UPRT: variants seen among roughly 807,000 people sequenced by gnomAD.
The protein encoded by UPRT is RP11-311P8.3.
Under a neutral mutation model 22.6 loss-of-function variants are expected in UPRT, and 5 were observed. That is an observed-to-expected ratio of 0.22 (90% CI 0.12 to 0.47). The LOEUF (loss-of-function observed/expected upper bound fraction) is 0.47, where lower values mean the gene tolerates loss of function less well. UPRT is among the 20% of genes least tolerant of loss of function. UPRT has a pLI of 0.99. For synonymous variants in UPRT, 77 were observed against 87.7 expected, an observed-to-expected ratio of 0.88 and a Z score of 0.68; for missense variants, 181 against 239.9, an observed-to-expected ratio of 0.75 and a Z score of 1.62.
Position 75,241,399 on chromosome X carries a change from G to A in UPRT, c.-446-49625G>A, listed in dbSNP as rs758107448. Among the ~76,000 whole-genome samples, 5 of 111,713 alleles carry A rather than the reference G, an allele frequency of 4.5e-5. No homozygotes were observed. In the South Asian group the frequency reaches 1.8e-3, roughly 41 times the overall value. On this transcript the variant is annotated intron_variant, in intron 4 of 13. Transcript: ENST00000652605. Reference sequence around the variant, plus strand: ...AATACCACCTTACTCCTGGAAGAATGGCCATAATTAAAATAAATAAATAAT... The same window carrying A: ...AATACCACCTTACTCCTGGAAGAATAGCCATAATTAAAATAAATAAATAAT...
intron 4 of UPRT, among the ~76,000 whole-genome samples, chrX:75,230,705 C>T (rs1278356761): frequency 1.8e-5 from 2 of 111,835 alleles, no homozygotes; most frequent in Admixed American, 1.9e-4. Flanking sequence ...TCACTTCACC[C>T]CCTGCCACTT....
chrX:75,214,956 A>AACACACACAC (rs56673150), intron 4 of UPRT, among the ~76,000 whole-genome samples: 1 of 99,039 alleles, frequency 1.0e-5, no homozygotes, highest in African/African-American at 4.0e-5. Context: ...AAGTATTCTC[A>AACACACACAC]ACACACACAC....
At chrX:75,247,465 A>T (rs745659114) in intron 4 of UPRT, among the ~76,000 whole-genome samples, 2 of 111,866 alleles carry the variant, frequency 1.8e-5, no homozygotes, top group South Asian at 7.8e-4. Flanking sequence ...TCCTATGCCC[A>T]CAGAGCCTTG....
At chrX:75,229,995 G>A (rs1290680716) in intron 4 of UPRT, among the ~76,000 whole-genome samples, 1 of 112,190 alleles carries the variant, frequency 8.9e-6, no homozygotes, top group East Asian at 2.8e-4. Context: ...TGCTTTCTCA[G>A]CAAGGAGGCT....
At chrX:75,281,745 C>T (rs2082657918) in intron 1 of UPRT, among the ~76,000 whole-genome samples, 1 of 111,385 alleles carries the variant, frequency 9.0e-6, no homozygotes, top group Non-Finnish European at 1.9e-5. Flanking sequence ...CATATCCTTC[C>T]CTGGTTTTGC....
At chrX:75,224,667 A>G (rs988874475) in intron 4 of UPRT, among the ~76,000 whole-genome samples, 2 of 111,671 alleles carry the variant, frequency 1.8e-5, no homozygotes, top group African/African-American at 6.5e-5. Context: ...ATCAACTTGT[A>G]TCTCCTTCTA....
chrX:75,189,880 G>A (rs1443907982), intron 4 of UPRT, among the ~76,000 whole-genome samples: 5 of 111,646 alleles, frequency 4.5e-5, no homozygotes, highest in Non-Finnish European at 5.6e-5. Context: ...GTCTCTGCAC[G>A]TGAGATGCAT....
chrX:75,249,498 A>C (rs2082520367), intron 4 of UPRT, among the ~76,000 whole-genome samples: 1 of 112,044 alleles, frequency 8.9e-6, no homozygotes, highest in South Asian at 3.8e-4. Flanking sequence ...TCAATTCAAC[A>C]AGAAGAGCTG....
intron 4 of UPRT, among the ~76,000 whole-genome samples, chrX:75,180,707 T>TTTTTTTTTTTTTTTTTTTTTTTTTTTTC (rs2082267522): frequency 1.1e-5 from 1 of 94,362 alleles, no homozygotes; most frequent in Non-Finnish European, 2.1e-5. Context: ...TTTTTTTTTT[T>TTTTTTTTTTTTTTTTTTTTTTTTTTTTC]TTTTTTTTTT....
intron 4 of UPRT, among the ~76,000 whole-genome samples, chrX:75,298,001 C>T (rs1463151359): frequency 3.0e-5 from 3 of 98,654 alleles, no homozygotes; most frequent in Admixed American, 2.3e-4. Flanking sequence ...TTTTTTTAGA[C>T]AGGGTCTCAC....
intron 4 of UPRT, among the ~76,000 whole-genome samples, chrX:75,214,917 A>T (rs765968312): frequency 9.1e-6 from 1 of 109,405 alleles, no homozygotes; most frequent in Non-Finnish European, 1.9e-5. Flanking sequence ...TGTCTCAAAA[A>T]AATTTGCCAA....
chrX:75,231,762 A>C (rs2082439125), intron 4 of UPRT, among the ~76,000 whole-genome samples: 1 of 112,179 alleles, frequency 8.9e-6, no homozygotes, highest in African/African-American at 3.2e-5. Context: ...TCAGCAGAAA[A>C]CCTGCAAGCC....
At chrX:75,204,113 C>G (rs2082356288) in intron 4 of UPRT, among the ~76,000 whole-genome samples, 1 of 108,419 alleles carries the variant, frequency 9.2e-6, no homozygotes, top group Admixed American at 9.9e-5. Context: ...GGGAGTTCAG[C>G]CTTCGGGAGA....
At chrX:75,236,554 C>T (rs1457219868) in intron 4 of UPRT, among the ~76,000 whole-genome samples, 1 of 111,751 alleles carries the variant, frequency 8.9e-6, no homozygotes, top group Non-Finnish European at 1.9e-5. Context: ...AACTATACTA[C>T]AAGGCTACAG....
intron 1 of UPRT, among the ~76,000 whole-genome samples, chrX:75,289,212 C>T (rs1331983919): frequency 9.0e-6 from 1 of 110,779 alleles, no homozygotes; most frequent in Non-Finnish European, 1.9e-5. Context: ...GTTCCATTTA[C>T]AATAGCTGCA....
At chrX:75,293,028 G>T (rs939068337) in intron 1 of UPRT, among the ~76,000 whole-genome samples, 3 of 111,806 alleles carry the variant, frequency 2.7e-5, no homozygotes, top group African/African-American at 9.8e-5. Flanking sequence ...GTTCCAAAAA[G>T]GATTACAAAG....
Position 75,254,523 on chromosome X carries a change from G to A in UPRT, c.-446-36501G>A, listed in dbSNP as rs759384967. Among the ~76,000 whole-genome samples the A allele has an allele frequency of 7.2e-5, 8 of 111,565 alleles. No homozygotes were observed. In the East Asian group the frequency reaches 8.5e-4, roughly 12 times the overall value. On this transcript the variant is annotated intron_variant, in intron 4 of 13. Coordinates refer to the UPRT transcript ENST00000652605. Reference sequence around the variant, plus strand: ...CATAAACAAAGCCTCCAAGAAGTCCGGCATTATGTCAAACAACCAAACCTA... The same window carrying A: ...CATAAACAAAGCCTCCAAGAAGTCCAGCATTATGTCAAACAACCAAACCTA...
intron 4 of UPRT, among the ~76,000 whole-genome samples, chrX:75,246,566 T>G (rs780520559): frequency 6.9e-4 from 77 of 111,080 alleles, no homozygotes; most frequent in Non-Finnish European, 1.3e-3. Context: ...AATAAACATA[T>G]GTGTGCATGT....
At chrX:75,202,522 A>C (rs1469306644) in intron 4 of UPRT, among the ~76,000 whole-genome samples, 23 of 112,487 alleles carry the variant, frequency 2.0e-4, no homozygotes, top group African/African-American at 7.4e-4. Flanking sequence ...AGGAGAAAAA[A>C]ATAATTATAA....
Sources: gnomAD v4.1 joint callset for allele counts (sites outside exome capture counted in the v4.1 genomes callset) on GRCh38, gnomAD v4.1.1 for gene constraint, MANE v1.5 for transcripts, NCBI Gene and HGNC (gene_info 2026-07-23, HGNC 2026-07-21) for gene names.